VEPH1: variants seen among roughly 807,000 people sequenced by gnomAD.
VEPH1 encodes the protein ventricular zone expressed PH domain containing 1.
A neutral mutation model predicts 85.2 loss-of-function variants in VEPH1; 80 were observed. That is an observed-to-expected ratio of 0.94 (90% CI 0.78 to 1.13). VEPH1 has a LOEUF of 1.13. VEPH1 is among the 50% of genes most tolerant of loss of function. The pLI, the probability that VEPH1 is intolerant of heterozygous loss-of-function variation, is 0.00. For missense variants in VEPH1, 955 were observed against 980.5 expected, an observed-to-expected ratio of 0.97 and a Z score of 0.35; for synonymous variants, 297 against 348.0, an observed-to-expected ratio of 0.85 and a Z score of 1.63.
At chr3:157,340,800 C>T (rs143773187) in intron 9 of VEPH1, among the ~76,000 whole-genome samples, 5 of 152,320 alleles carry the variant, frequency 3.3e-5, no homozygotes, top group East Asian at 1.9e-4. Context: ...ACAGCTCACA[C>T]GGCCGGGTAC....
intron 2 of VEPH1, among the ~76,000 whole-genome samples, chr3:157,471,893 G>A (rs1474229954): frequency 1.3e-5 from 2 of 151,870 alleles, no homozygotes; most frequent in Non-Finnish European, 2.9e-5. Flanking sequence ...GGGCCTTATT[G>A]TTTTTCCTTT....
In VEPH1 at chr3:157,475,154, A is replaced by AATTTTT. The variant is rs1737343348; in HGVS notation, c.139-4631_139-4626dup. 1.6e-5 allele frequency among the ~76,000 whole-genome samples: 2 copies of AATTTTT among 126,034 alleles called. 1 individual carries two copies. Among genetic ancestry groups the AATTTTT allele is most frequent in the African/African-American group, 7.0e-5 (2 of 28,642 alleles). 82.7% of individuals were successfully genotyped at this position (126,034 alleles called of 152,430 possible). A position where few individuals can be genotyped will look rare whatever the true frequency, so the allele number is the denominator to read the frequency against. On this transcript the variant is annotated intron_variant, in intron 2 of 13. Coordinates refer to ENST00000362010, the MANE Select transcript of VEPH1 (RefSeq NM_001167912.2). ...GCCACCATTCCCAGCTAATTTTTTT[A>AATTTTT]ATTTTTTTTTTTTTTTTTGTAGAGA... is the stretch of plus-strand genomic sequence containing the variant.
intron 4 of VEPH1, among the ~76,000 whole-genome samples, chr3:157,453,312 T>C (rs909618170): frequency 6.6e-6 from 1 of 152,178 alleles, no homozygotes; most frequent in Admixed American, 6.5e-5. Context: ...CTCTTTCTCC[T>C]TCTCTTCTTC....
intron 6 of VEPH1, among the ~76,000 whole-genome samples, chr3:157,401,177 C>T (rs900879958): frequency 3.3e-5 from 5 of 152,148 alleles, no homozygotes; most frequent in African/African-American, 1.2e-4. Flanking sequence ...AAAGTAACCA[C>T]AGGCCTTCTG....
chr3:157,322,556 A>G (rs902940296), intron 9 of VEPH1, among the ~76,000 whole-genome samples: 7 of 152,206 alleles, frequency 4.6e-5, no homozygotes, highest in African/African-American at 1.2e-4. Context: ...TGAAATTTTT[A>G]TCTCTGAAAT....
intron 9 of VEPH1, among the ~76,000 whole-genome samples, chr3:157,358,865 G>A (rs1186587561): frequency 1.3e-5 from 2 of 152,080 alleles, no homozygotes; most frequent in Non-Finnish European, 2.9e-5. Context: ...CTCTAGTGGC[G>A]TGTGCCTGTA....
chr3:157,405,393 A>G (rs908916645), intron 6 of VEPH1, among the ~76,000 whole-genome samples: 2 of 152,164 alleles, frequency 1.3e-5, no homozygotes, highest in Admixed American at 1.3e-4. Flanking sequence ...GCTAAGGTAC[A>G]TAGGATTACA....
chr3:157,492,443 G>A (rs973692780), intron 2 of VEPH1, among the ~76,000 whole-genome samples: 1 of 152,162 alleles, frequency 6.6e-6, no homozygotes, highest in Admixed American at 6.5e-5. Flanking sequence ...AGATCTGACA[G>A]TTGATGGCTA....
intron 5 of VEPH1, among the ~76,000 whole-genome samples, chr3:157,424,876 G>A (rs2109096239): frequency 6.6e-6 from 1 of 152,340 alleles, no homozygotes; most frequent in South Asian, 2.1e-4. Flanking sequence ...CATTTTCTGA[G>A]GAGAAATTCA....
chr3:157,417,352 G>A (rs1732002047), intron 5 of VEPH1, among the ~76,000 whole-genome samples: 1 of 152,170 alleles, frequency 6.6e-6, no homozygotes, highest in African/African-American at 2.4e-5. Context: ...TGGCTGCAGA[G>A]AACAAGCTGA....
At chr3:157,485,265 T>C (rs1482815034) in intron 2 of VEPH1, among the ~76,000 whole-genome samples, 2 of 152,172 alleles carry the variant, frequency 1.3e-5, no homozygotes, top group African/African-American at 4.8e-5. Context: ...CAACAAGGTA[T>C]CTAATTCAGT....
At chr3:157,408,331 A>G (rs1382481111) in intron 6 of VEPH1, among the ~76,000 whole-genome samples, 1 of 152,140 alleles carries the variant, frequency 6.6e-6, no homozygotes, top group Non-Finnish European at 1.5e-5. Context: ...GATAGATTGT[A>G]TAAGCTCAGA....
At chr3:157,483,179 C>T (rs911131681) in intron 2 of VEPH1, among the ~76,000 whole-genome samples, 11 of 150,076 alleles carry the variant, frequency 7.3e-5, no homozygotes, top group African/African-American at 2.0e-4. Flanking sequence ...ATACATTATG[C>T]CATTTATTCT....
chr3:157,312,258 G>T (rs1198999448), intron 11 of VEPH1, among the ~76,000 whole-genome samples: 1 of 152,082 alleles, frequency 6.6e-6, no homozygotes, highest in Non-Finnish European at 1.5e-5. Flanking sequence ...CTATCTAAAA[G>T]GCAAAATAAG....
At chr3:157,336,664 G>A (rs1003358816) in intron 9 of VEPH1, among the ~76,000 whole-genome samples, 7 of 151,946 alleles carry the variant, frequency 4.6e-5, no homozygotes, top group African/African-American at 1.2e-4. Flanking sequence ...CAGAAGTCTC[G>A]CATGGAGGAT....
At chr3:157,295,119 T>A (rs904238689) in intron 11 of VEPH1, among the ~76,000 whole-genome samples, 2 of 152,202 alleles carry the variant, frequency 1.3e-5, no homozygotes, top group African/African-American at 2.4e-5. Context: ...GACCCTAGGA[T>A]GTGTAAGATG....
chr3:157,373,096 TG>T (rs1183734931), intron 7 of VEPH1, among the ~76,000 whole-genome samples: 3 of 152,226 alleles, frequency 2.0e-5, no homozygotes, highest in Non-Finnish European at 4.4e-5. Context: ...CAAGGGAGGC[TG>T]ACCCTATTAG....
At chr3:157,436,552 C>A (rs1733590156) in intron 4 of VEPH1, among the ~76,000 whole-genome samples, 1 of 152,100 alleles carries the variant, frequency 6.6e-6, no homozygotes, top group African/African-American at 2.4e-5. Context: ...CCCCTACCAC[C>A]CCTCCTTCAT....
chr3:157,316,047 A>G (rs1720720318), intron 10 of VEPH1: 1 of 152,094 alleles, frequency 6.6e-6, no homozygotes, highest in African/African-American at 2.4e-5. Context: ...TTAGAAAAAA[A>G]CAGTATTCCT....
Sources: allele counts gnomAD v4.1 joint callset (sites outside exome capture counted in the v4.1 genomes callset), GRCh38; gene constraint gnomAD v4.1.1; transcripts MANE v1.5; gene names NCBI Gene and HGNC (gene_info 2026-07-23, HGNC 2026-07-21).